TRIO: variants seen among roughly 807,000 people sequenced by gnomAD.
TRIO encodes triple functional domain protein.
Under a neutral mutation model 351.9 loss-of-function variants are expected in TRIO, and 58 were observed. The ratio of observed to expected loss-of-function variants is 0.16; its 90% CI spans 0.13 to 0.21. The LOEUF (loss-of-function observed/expected upper bound fraction) is 0.21, where lower values mean the gene tolerates loss of function less well. Ranked by LOEUF, TRIO falls within the 10% of genes least tolerant of loss-of-function variation. TRIO has a pLI of 1.00. For missense variants in TRIO, 3,201 were observed against 4,027.8 expected (o/e 0.79, Z 5.56); for synonymous variants, 1,758 against 1,595.7 (o/e 1.10, Z -2.42).
intron 1 of TRIO, among the ~76,000 whole-genome samples, chr5:14,265,231 G>A (rs1490420365): frequency 6.6e-6 from 1 of 152,044 alleles, no homozygotes; most frequent in Non-Finnish European, 1.5e-5. Flanking sequence ...TTTAAAGGAG[G>A]AGACGCAGCC....
intron 46 of TRIO, among the ~76,000 whole-genome samples, chr5:14,484,012 CACTGCACCCATCCCCTGA>C (rs1755734943): frequency 6.6e-6 from 1 of 151,524 alleles, no homozygotes; most frequent in Non-Finnish European, 1.5e-5. Context: ...CCATCCCCTG[CACTGCACCCATCCCCTGA>C]GAACCACCCA....
intron 1 of TRIO, among the ~76,000 whole-genome samples, chr5:14,235,897 A>AAGCAATCTCCTTCCATTTTGGCCTCC (rs1249959846): frequency 2.6e-5 from 4 of 152,106 alleles, no homozygotes; most frequent in Admixed American, 6.5e-5. Context: ...TCCTGGCCTC[A>AAGCAATCTCCTTCCATTTTGGCCTCC]AGCAATCTCC....
Position 14,410,494 on chromosome 5 carries a change from C to T in TRIO, c.4959+3822C>T, listed in dbSNP as rs188282933. Among the ~76,000 whole-genome samples, 849 of 152,300 alleles carry T rather than the reference C, an allele frequency of 5.6e-3. 5 individuals are homozygous for T. The highest frequency in any genetic ancestry group is 0.019 in the African/African-American group (795 of 41,554). On this transcript the variant is annotated intron_variant, in intron 33 of 56. Coordinates refer to ENST00000344204, the MANE Select transcript of TRIO (RefSeq NM_007118.4). The stretch of plus-strand genomic sequence containing the variant: ...CGGTGACGGTAATTTTCCTGAGTCT[C>T]GAAGTTCTTTCTGCCCTACGTAGTT...
At chr5:14,244,561 C>G (rs1341119201) in intron 1 of TRIO, among the ~76,000 whole-genome samples, 1 of 152,198 alleles carries the variant, frequency 6.6e-6, no homozygotes, top group Non-Finnish European at 1.5e-5. Flanking sequence ...TGGCTGGGCT[C>G]TCAGGCCAGC....
chr5:14,407,330 G>A (rs1428314708), intron 33 of TRIO, among the ~76,000 whole-genome samples: 3 of 152,222 alleles, frequency 2.0e-5, no homozygotes, highest in South Asian at 2.1e-4. Context: ...CATGAGGTGC[G>A]AGTGTCAGCA....
Position 14,359,419 on chromosome 5 carries a change from T to C in TRIO, c.2279T>C (p.Val760Ala). ...AGCTCCATCAACCACATTGAGACGG[T>C]GCTGCAGCAGCTGGACGAGGCGCAG... Reference protein sequence around the residue: ...HNSSINHIETVLQQLDEAQSQ... With the variant: ...HNSSINHIETALQQLDEAQSQ... The change falls in exon 13 of 57, where the codon GTG (valine) becomes GCG (alanine). Residue 760 changes from valine to alanine, a missense_variant. By Grantham distance (64) the Val-to-Ala change is moderately conservative. Transcript: ENST00000344204. 2 of 1,614,276 alleles carry C rather than the reference T, an allele frequency of 1.2e-6. No individual in the cohort carries two copies. The highest frequency in any genetic ancestry group is 4.5e-5 in the East Asian group (2 of 44,892).
rs558528017 is a variant in TRIO, at chr5:14,370,248, C to T, written c.3216+725C>T. 2.0e-5 allele frequency among the ~76,000 whole-genome samples: 3 copies of T among 152,218 alleles called. No individual in the cohort carries two copies. In the East Asian group the frequency reaches 5.8e-4, roughly 29 times the overall value. On this transcript the variant is annotated intron_variant, in intron 18 of 56. Transcript: ENST00000344204. ...TTAAGCGGTCCTCCCGCTTCAGCCT[C>T]TCTAGTAGCTGGGACTACAGTGCTC...
At chr5:14,318,411 C>T (rs1292873716) in intron 9 of TRIO, among the ~76,000 whole-genome samples, 3 of 146,300 alleles carry the variant, frequency 2.1e-5, no homozygotes, top group Non-Finnish European at 3.0e-5. Context: ...ACCAAGATCA[C>T]ACAACTCCAC....
At chr5:14,421,650 C>G (rs1678339041) in intron 34 of TRIO, among the ~76,000 whole-genome samples, 1 of 150,568 alleles carries the variant, frequency 6.6e-6, no homozygotes, top group Non-Finnish European at 1.5e-5. Context: ...GTGTTAGGAG[C>G]TGCGCAGCAA....
At chr5:14,424,419 A>T (rs1336705444) in intron 34 of TRIO, among the ~76,000 whole-genome samples, 1 of 152,222 alleles carries the variant, frequency 6.6e-6, no homozygotes, top group Non-Finnish European at 1.5e-5. Flanking sequence ...GAGAAAAAGT[A>T]TGGTTCAGTA....
Position 14,497,016 on chromosome 5 carries a change from A to G in TRIO, c.8018A>G (p.Lys2673Arg), listed in dbSNP as rs756958239. 2.5e-6 allele frequency: 4 copies of G among 1,614,204 alleles called. No homozygotes were observed. Among genetic ancestry groups the G allele is most frequent in the Non-Finnish European group, 3.4e-6 (4 of 1,180,032 alleles). ...REGLSNKVSV[K>R]LLNPNYIYDV... ...GGACTCAGCAACAAGGTATCTGTGA[A>G]GGTGTGTTCGGGGGTCTTCAGGAGT... Residue 2673 changes from lysine (K) to arginine (R), a missense_variant and splice_region_variant, in exon 50 of 57, where the codon AAG becomes AGG. Lys to Arg is a conservative substitution (Grantham distance 26). Coordinates refer to ENST00000344204, the MANE Select transcript of TRIO (RefSeq NM_007118.4). This position sits in a 1 kb window ranked among gnomAD's most constrained non-coding sequence, Gnocchi z 4.4.
At chr5:14,314,399 A>C (rs932095911) in intron 8 of TRIO, among the ~76,000 whole-genome samples, 1 of 152,216 alleles carries the variant, frequency 6.6e-6, no homozygotes, top group African/African-American at 2.4e-5. Context: ...ATATAAAACT[A>C]TTGTGAATAT....
In TRIO at chr5:14,143,892, A is replaced by C. The variant is rs1463144322; in HGVS notation, c.157+10A>C. 6 of 1,071,000 alleles carry C rather than the reference A, an allele frequency of 5.6e-6. No individual in the cohort carries two copies. The highest frequency in any genetic ancestry group is 1.7e-5 in the African/African-American group (1 of 58,944). 66.3% of individuals were successfully genotyped at this position (1,071,000 alleles called of 1,614,324 possible). A position where few individuals can be genotyped will look rare whatever the true frequency, so the allele number is the denominator to read the frequency against. Reference sequence around the variant, plus strand: ...GCCTTCTTCCGATCCGGTGAGTGCAACTGCGGCCGGCCCGCCCAGCGGCGC... The same window carrying C: ...GCCTTCTTCCGATCCGGTGAGTGCACCTGCGGCCGGCCCGCCCAGCGGCGC... On this transcript the variant is annotated intron_variant, in intron 1 of 56. Coordinates refer to ENST00000344204, the MANE Select transcript of TRIO (RefSeq NM_007118.4).
At chr5:14,498,034 G>A in intron 51 of TRIO, 55 bp from the exon 52 acceptor site, 1 of 1,612,212 alleles carries the variant, frequency 6.2e-7, no homozygotes, top group East Asian at 2.2e-5. Context: ...CATGTGGGTG[G>A]GTGTGGAGGA....
chr5:14,162,104 C>T (rs538817936), intron 1 of TRIO, among the ~76,000 whole-genome samples: 12 of 152,278 alleles, frequency 7.9e-5, no homozygotes, highest in African/African-American at 2.2e-4. Flanking sequence ...TATGGAATCA[C>T]GGCCAATTTG....
rs150996416 is a variant in TRIO, at chr5:14,354,868, G to A, written c.2047-3310G>A. Reference sequence around the variant, plus strand: ...TCCATTTCCTAGGTCCCATTGGACAGTGACAAGGGTGAGGGCAGCTTCAGT... The same window carrying A: ...TCCATTTCCTAGGTCCCATTGGACAATGACAAGGGTGAGGGCAGCTTCAGT... On this transcript the variant is annotated intron_variant, in intron 11 of 56. Coordinates refer to ENST00000344204, the MANE Select transcript of TRIO (RefSeq NM_007118.4). Among the ~76,000 whole-genome samples, 562 of 152,354 alleles carry A rather than the reference G, an allele frequency of 3.7e-3. 5 individuals are homozygous for A. Among genetic ancestry groups the A allele is most frequent in the African/African-American group, 0.013 (532 of 41,580 alleles).
In TRIO at chr5:14,375,678, A is replaced by AC. The variant is rs146071505; in HGVS notation, c.3331+1340dup. ...GAGTCTCAGACCACGTGGTCAGAGG[A>AC]CCCCCAGGAGCTTGAGGAAGCCCCG... On this transcript the variant is annotated intron_variant, in intron 19 of 56. Transcript: ENST00000344204. 9.1e-3 allele frequency among the ~76,000 whole-genome samples: 1,391 copies of AC among 152,068 alleles called. 20 individuals are homozygous for AC. The highest frequency in any genetic ancestry group is 0.032 in the African/African-American group (1,312 of 41,456).
At chr5:14,289,300 A>G (rs1306347866) in intron 4 of TRIO, among the ~76,000 whole-genome samples, 1 of 151,930 alleles carries the variant, frequency 6.6e-6, no homozygotes, top group Non-Finnish European at 1.5e-5. Context: ...CAGGAGAATC[A>G]CTTGAAATCG....
At chr5:14,313,107 G>A (rs73059523) in intron 8 of TRIO, among the ~76,000 whole-genome samples, 5,601 of 152,286 alleles carry the variant, frequency 0.037, 347 homozygotes, top group African/African-American at 0.13. Context: ...GTTCCATGCT[G>A]TCTGGTTTTA....
Sources: allele counts gnomAD v4.1 joint callset (sites outside exome capture counted in the v4.1 genomes callset), GRCh38; gene constraint gnomAD v4.1.1; non-coding constraint Gnocchi (gnomAD v3.1); transcripts MANE v1.5; gene names NCBI Gene and HGNC (gene_info 2026-07-23, HGNC 2026-07-21).